The following POU6F2 variants were observed in gnomAD, a reference collection of about 807,000 sequenced individuals.
POU6F2 encodes POU class 6 homeobox 2, also known as POU domain, class 6, transcription factor 2.
Under a neutral mutation model 71.3 loss-of-function variants are expected in POU6F2, and 31 were observed. The observed-to-expected ratio is 0.43, with a 90% CI of 0.33 to 0.59. POU6F2 has a LOEUF of 0.59. Ranked by LOEUF, POU6F2 falls within the 20% of genes least tolerant of loss-of-function variation. The probability of loss-of-function intolerance (pLI) is 0.04; values close to 1 mark genes in which losing one functional copy is unlikely to be tolerated. For synonymous variants in POU6F2, 347 were observed against 355.7 expected (o/e 0.98, Z 0.27); for missense variants, 783 against 856.8 (o/e 0.91, Z 1.07).
intron 2 of POU6F2, among the ~76,000 whole-genome samples, chr7:39,203,178 A>G (rs1288110709): frequency 6.6e-6 from 1 of 152,200 alleles, no homozygotes; most frequent in Admixed American, 6.5e-5. Flanking sequence ...ATTTGTTTTA[A>G]ATGAGCCAAT....
At chr7:39,355,635 A>G (rs1404803552) in intron 5 of POU6F2, among the ~76,000 whole-genome samples, 1 of 152,138 alleles carries the variant, frequency 6.6e-6, no homozygotes, top group African/African-American at 2.4e-5. Context: ...CCTTCCCAAC[A>G]GTCAAAAAGA....
chr7:39,059,560 C>A (rs1790608783), intron 1 of POU6F2, among the ~76,000 whole-genome samples: 2 of 149,304 alleles, frequency 1.3e-5, no homozygotes. Context: ...GAAATTGAAA[C>A]CCTCATACAC....
At chr7:39,061,847 C>T (rs890493209) in intron 1 of POU6F2, among the ~76,000 whole-genome samples, 1 of 152,136 alleles carries the variant, frequency 6.6e-6, no homozygotes, top group Non-Finnish European at 1.5e-5. Context: ...GACTGAAAAA[C>T]CAGCTTGTTG....
intron 4 of POU6F2, among the ~76,000 whole-genome samples, chr7:39,309,063 T>A (rs1237150959): frequency 6.6e-6 from 1 of 152,234 alleles, no homozygotes; most frequent in African/African-American, 2.4e-5. Flanking sequence ...TTCTTCTGTG[T>A]CACCCACCCT....
intron 7 of POU6F2, among the ~76,000 whole-genome samples, chr7:39,446,713 G>T (rs1788531504): frequency 6.6e-6 from 1 of 152,206 alleles, no homozygotes; most frequent in African/African-American, 2.4e-5. Context: ...CTCAGACACT[G>T]CATCCTGTGC....
intron 4 of POU6F2, among the ~76,000 whole-genome samples, chr7:39,268,873 A>G (rs958968734): frequency 6.6e-6 from 1 of 152,174 alleles, no homozygotes; most frequent in Non-Finnish European, 1.5e-5. Flanking sequence ...ACCACTTTAA[A>G]TAAGTCTCCA....
chr7:39,132,096 A>G (rs1002080076), intron 2 of POU6F2, among the ~76,000 whole-genome samples: 2 of 152,332 alleles, frequency 1.3e-5, no homozygotes, highest in African/African-American at 4.8e-5. Flanking sequence ...ATACTAGGCC[A>G]TATGAGAGGC....
At chr7:39,189,960 C>G (rs1056379573) in intron 2 of POU6F2, among the ~76,000 whole-genome samples, 1 of 151,948 alleles carries the variant, frequency 6.6e-6, no homozygotes, top group East Asian at 1.9e-4. Flanking sequence ...GTGGCTCGAT[C>G]ATAGCTCACC....
chr7:39,419,385 C>T (rs113190499), intron 6 of POU6F2, among the ~76,000 whole-genome samples: 4,654 of 151,504 alleles, frequency 0.031, 225 homozygotes, highest in African/African-American at 0.11. Context: ...ATTACAGGCA[C>T]GCACCATCAC....
chr7:39,086,768 G>C (rs536149347), intron 2 of POU6F2, among the ~76,000 whole-genome samples: 1 of 152,098 alleles, frequency 6.6e-6, no homozygotes, highest in Non-Finnish European at 1.5e-5. Context: ...TCAAACAGAT[G>C]ACACTCTGTA....
chr7:39,336,601 C>T (rs533455673), intron 4 of POU6F2, among the ~76,000 whole-genome samples: 86 of 152,344 alleles, frequency 5.6e-4, no homozygotes, highest in African/African-American at 1.9e-3. Flanking sequence ...CTTCCTTCCT[C>T]CTCAGCGTGG....
At chr7:39,243,247 A>T (rs936395493) in intron 4 of POU6F2, among the ~76,000 whole-genome samples, 1 of 152,172 alleles carries the variant, frequency 6.6e-6, no homozygotes, top group Non-Finnish European at 1.5e-5. Context: ...GTAGCAGACT[A>T]TAGGGTTCAT....
chr7:39,213,625 A>T (rs754625773), intron 4 of POU6F2, among the ~76,000 whole-genome samples: 1 of 152,102 alleles, frequency 6.6e-6, no homozygotes, highest in Non-Finnish European at 1.5e-5. Flanking sequence ...ATGGATTCAT[A>T]TTATATGTAT....
At chr7:39,053,056 T>C (rs1790429237) in intron 1 of POU6F2, among the ~76,000 whole-genome samples, 1 of 152,182 alleles carries the variant, frequency 6.6e-6, no homozygotes, top group South Asian at 2.1e-4. Flanking sequence ...GGCAGGGGTG[T>C]GGGGTATATT....
intron 2 of POU6F2, among the ~76,000 whole-genome samples, chr7:39,155,416 G>C (rs536277156): frequency 6.6e-6 from 1 of 152,222 alleles, no homozygotes; most frequent in South Asian, 2.1e-4. Context: ...AAACTTGTGT[G>C]AAAATTGTGA....
At chr7:39,169,825 A>G (rs1213683645) in intron 2 of POU6F2, among the ~76,000 whole-genome samples, 1 of 152,142 alleles carries the variant, frequency 6.6e-6, no homozygotes, top group Admixed American at 6.5e-5. Context: ...TATTTTTCAT[A>G]ATGTTATGTC....
intron 7 of POU6F2, among the ~76,000 whole-genome samples, chr7:39,447,020 A>C (rs1225410163): frequency 6.6e-6 from 1 of 152,222 alleles, no homozygotes; most frequent in East Asian, 1.9e-4. Flanking sequence ...GGGGTAGTAC[A>C]GATAACTAGA....
At chr7:39,125,619 A>T (rs1258230765) in intron 2 of POU6F2, among the ~76,000 whole-genome samples, 1 of 152,108 alleles carries the variant, frequency 6.6e-6, no homozygotes, top group East Asian at 1.9e-4. Context: ...GGCCAGCTTC[A>T]AAAAAGAGAG....
chr7:39,205,171 C>G (rs1411686867), intron 3 of POU6F2, among the ~76,000 whole-genome samples: 1 of 151,956 alleles, frequency 6.6e-6, no homozygotes, highest in Non-Finnish European at 1.5e-5. Context: ...TCACTCTGTG[C>G]CTGTGGACAG....
Sources: allele counts gnomAD v4.1 joint callset (sites outside exome capture counted in the v4.1 genomes callset), GRCh38; gene constraint gnomAD v4.1.1; transcripts MANE v1.5; gene names NCBI Gene and HGNC (gene_info 2026-07-23, HGNC 2026-07-21).